WNT5A: variants seen among roughly 807,000 people sequenced by gnomAD.
The protein encoded by WNT5A is Wnt family member 5A.
Under a neutral mutation model 42.1 loss-of-function variants are expected in WNT5A, and 9 were observed. That is an observed-to-expected ratio of 0.21 (90% CI 0.13 to 0.37). The LOEUF (loss-of-function observed/expected upper bound fraction) is 0.37, where lower values mean the gene tolerates loss of function less well. Among genes scored for constraint, WNT5A ranks in the 10% least tolerant of loss-of-function variants. WNT5A has a pLI of 1.00. For missense variants in WNT5A, 426 were observed against 534.0 expected (o/e 0.80, Z 1.99); for synonymous variants, 210 against 210.0 (o/e 1.00, Z 0.00).
chr3:55,488,449 A>C (rs2051616164), upstream of WNT5A: 1 of 151,752 alleles, frequency 6.6e-6, no homozygotes. Flanking sequence ...GAAAGAAAAA[A>C]GTTCTTTAAA....
intron 1 of WNT5A, among the ~76,000 whole-genome samples, chr3:55,484,732 A>G (rs1404073986): frequency 1.6e-5 from 2 of 127,142 alleles, no homozygotes; most frequent in Non-Finnish European, 1.7e-5. Flanking sequence ...ACACACACAC[A>G]CCACTCACAC....
At chr3:55,480,962 A>T (rs778574027) in intron 1 of WNT5A, 44 bp from the exon 2 acceptor site, 10 of 1,412,988 alleles carry the variant, frequency 7.1e-6, no homozygotes, top group Non-Finnish European at 9.3e-6. Flanking sequence ...CCTCTCAGAT[A>T]ATTTTCAAGC....
rs745796674 is a variant in WNT5A at position 55,487,028 on chromosome 3, G to T, written c.-43C>A. On this transcript the variant is annotated 5_prime_UTR_variant, in exon 1 of 5. Coordinates refer to ENST00000264634, the MANE Select transcript of WNT5A (RefSeq NM_003392.7). ...GCGGGGAGGAAGTCGCCACCCGAGC[G>T]AGCGCAGCCGAGGAATCCGAGCGGA... 1 of 1,603,760 alleles carries T rather than the reference G, an allele frequency of 6.2e-7. No individual in the cohort carries two copies. Among genetic ancestry groups the T allele is most frequent in the Admixed American group, 1.7e-5 (1 of 59,674 alleles).
chr3:55,502,224 A>T, the WNT5A span, among the ~76,000 whole-genome samples: 1 of 152,186 alleles, frequency 6.6e-6, no homozygotes. Context: ...GTCTCCTATC[A>T]CTGCTCAATC....
chr3:55,498,473 G>A, the WNT5A span, among the ~76,000 whole-genome samples: 5 of 152,174 alleles, frequency 3.3e-5, no homozygotes, highest in Non-Finnish European at 7.3e-5. Context: ...AATGAGGTAC[G>A]TGGGAGACAC....
rs181894008 is a variant in WNT5A at position 55,479,573 on chromosome 3, G to C, written c.141-9C>G. 49 of 1,570,194 alleles carry C rather than the reference G, an allele frequency of 3.1e-5. No individual in the cohort carries two copies. The highest frequency in any genetic ancestry group is 2.5e-4 in the Admixed American group (14 of 56,658). ...TATTCATACCTAGCGACCTGCAAGGGGGGGAGATGTGCATTCAAGATTTAC... is the reference window on the plus strand; with the variant it reads ...TATTCATACCTAGCGACCTGCAAGGCGGGGAGATGTGCATTCAAGATTTAC... On this transcript the variant is annotated splice_polypyrimidine_tract_variant and intron_variant, in intron 2 of 4. Transcript: ENST00000264634.
chr3:55,487,299 C>CA lies in WNT5A; in HGVS notation c.-315dup, dbSNP rs1241202370. On this transcript the variant is annotated 5_prime_UTR_variant, in exon 1 of 5. Coordinates refer to ENST00000264634, the MANE Select transcript of WNT5A (RefSeq NM_003392.7). ...CGCCGGTCCGGCGAGGGCGCGCAGG[C>CA]AACTGTTCCACGGAGAGGCGCTCCG... 9.5e-6 allele frequency: 4 copies of CA among 420,148 alleles called. No individual in the cohort carries two copies. Among genetic ancestry groups the CA allele is most frequent in the African/African-American group, 8.4e-5 (4 of 47,556 alleles). 26.0% of individuals were successfully genotyped at this position (420,148 alleles called of 1,614,324 possible).
At chr3:55,491,134 G>A (rs923854032), upstream of WNT5A, among the ~76,000 whole-genome samples, 1 of 152,112 alleles carries the variant, frequency 6.6e-6, no homozygotes, top group South Asian at 2.1e-4. Context: ...TTCAGAGGAC[G>A]GTGTTAAGGA....
intron 4 of WNT5A, among the ~76,000 whole-genome samples, chr3:55,471,091 T>C (rs1487644313): frequency 6.6e-6 from 1 of 152,178 alleles, no homozygotes; most frequent in East Asian, 1.9e-4. Context: ...AAGTGCAGAA[T>C]TGGGAAGAGT....
rs2106876451 is a variant in WNT5A at position 55,468,189 on chromosome 3, G to A, written c.*1903C>T. 6.6e-6 allele frequency: 1 copy of A among 150,662 alleles called. No homozygotes were observed. Among genetic ancestry groups the A allele is most frequent in the African/African-American group, 2.4e-5 (1 of 41,184 alleles). The allele number at this position is 150,662 out of a possible 1,614,324, so 9.3% of individuals were successfully genotyped here. A position where few individuals can be genotyped will look rare whatever the true frequency, so the allele number is the denominator to read the frequency against. On this transcript the variant is annotated 3_prime_UTR_variant, in exon 5 of 5. Transcript: ENST00000264634. The stretch of plus-strand genomic sequence containing the variant: ...ATGTAGTGGGCTGAATATTCCTTAG[G>A]GACTCAATTAATAAGTACTGTCATT...
chr3:55,477,765 G>A (rs1437646624), intron 3 of WNT5A, among the ~76,000 whole-genome samples: 1 of 152,172 alleles, frequency 6.6e-6, no homozygotes, highest in African/African-American at 2.4e-5. Context: ...GAAAACGAGA[G>A]GAGGATCTTA....
intron 1 of WNT5A, among the ~76,000 whole-genome samples, chr3:55,485,637 G>T (rs2106996990): frequency 7.0e-6 from 1 of 143,534 alleles, no homozygotes; most frequent in East Asian, 2.0e-4. Flanking sequence ...AAATCTGGCT[G>T]GTTCGGCAGT....
Position 55,469,976 on chromosome 3 carries a change from G to A in WNT5A, c.*116C>T, listed in dbSNP as rs1028601599. On this transcript the variant is annotated 3_prime_UTR_variant, in exon 5 of 5. Coordinates refer to ENST00000264634, the MANE Select transcript of WNT5A (RefSeq NM_003392.7). ...TGGTAACAGGAAAAAAAATGGTTCCGGTTGCAATTCTTGGGGAAAAATAAA... is the reference window on the plus strand; with the variant it reads ...TGGTAACAGGAAAAAAAATGGTTCCAGTTGCAATTCTTGGGGAAAAATAAA... 30 of 1,240,538 alleles carry A rather than the reference G, an allele frequency of 2.4e-5. No individual in the cohort carries two copies. The highest frequency in any genetic ancestry group is 3.1e-5 in the Non-Finnish European group (27 of 873,198). The allele number at this position is 1,240,538 out of a possible 1,614,324, so 76.8% of individuals were successfully genotyped here.
chr3:55,483,304 C>T lies in WNT5A; in HGVS notation c.7-2386G>A, dbSNP rs1005860976. 1.3e-5 allele frequency among the ~76,000 whole-genome samples: 2 copies of T among 152,228 alleles called. No homozygotes were observed. Among genetic ancestry groups the T allele is most frequent in the Non-Finnish European group, 1.5e-5 (1 of 68,020 alleles). ...CACGAGTCGCATCTCCACTTAACCC[C>T]GCCGCTTGCCCGGAAACACCTTGGC... On this transcript the variant is annotated intron_variant, in intron 1 of 4. Coordinates refer to ENST00000264634, the MANE Select transcript of WNT5A (RefSeq NM_003392.7). This position sits in a 1 kb window ranked among gnomAD's most constrained non-coding sequence, Gnocchi z 4.2.
At chr3:55,494,498 A>C (rs1211462862), upstream of WNT5A, among the ~76,000 whole-genome samples, 1 of 152,168 alleles carries the variant, frequency 6.6e-6, no homozygotes, top group Non-Finnish European at 1.5e-5. Flanking sequence ...CTGGATTCAA[A>C]CATATTAGGT....
At chr3:55,488,339 C>T (rs1049470680), upstream of WNT5A, 4 of 150,618 alleles carry the variant, frequency 2.7e-5, no homozygotes, top group African/African-American at 9.8e-5. Flanking sequence ...ACCCCCCAGC[C>T]CTTCTGGCCA....
At chr3:55,504,555 C>G in the WNT5A span, among the ~76,000 whole-genome samples, 1 of 151,890 alleles carries the variant, frequency 6.6e-6, no homozygotes, top group Non-Finnish European at 1.5e-5. Flanking sequence ...CCTCTGCCCT[C>G]CCGGGTTCAA....
intron 1 of WNT5A, among the ~76,000 whole-genome samples, chr3:55,486,013 T>C (rs1448459294): frequency 6.6e-6 from 1 of 152,176 alleles, no homozygotes. Flanking sequence ...AAAAATTGTT[T>C]AGAAAATAAA....
intron 4 of WNT5A, among the ~76,000 whole-genome samples, chr3:55,473,358 G>A (rs1054555939): frequency 2.6e-5 from 4 of 152,092 alleles, no homozygotes; most frequent in Non-Finnish European, 5.9e-5. Flanking sequence ...CCTACCTTGG[G>A]TTCTGTGAAA....
Sources: gnomAD v4.1 joint callset for allele counts (sites outside exome capture counted in the v4.1 genomes callset) on GRCh38, gnomAD v4.1.1 for gene constraint, Gnocchi (gnomAD v3.1) non-coding constraint, MANE v1.5 for transcripts, NCBI Gene and HGNC (gene_info 2026-07-23, HGNC 2026-07-21) for gene names.